KRT4: variants seen among roughly 807,000 people sequenced by gnomAD.
The protein encoded by KRT4 is keratin 4.
A neutral mutation model predicts 50.6 loss-of-function variants in KRT4; 47 were observed. The observed-to-expected ratio is 0.93, with a 90% CI of 0.73 to 1.18. The LOEUF (loss-of-function observed/expected upper bound fraction) is 1.18, where lower values mean the gene tolerates loss of function less well. Among genes scored for constraint, KRT4 ranks in the 50% most tolerant of loss-of-function variants. The pLI, the probability that KRT4 is intolerant of heterozygous loss-of-function variation, is 0.00. For synonymous variants in KRT4, 254 were observed against 251.2 expected (o/e 1.01, Z -0.10); for missense variants, 651 against 645.7 (o/e 1.01, Z -0.09).
chr12:52,809,004 G>C, intron 4 of KRT4, 154 bp from the exon 5 acceptor site: 1 of 826,582 alleles, frequency 1.2e-6, no homozygotes, highest in Non-Finnish European at 2.0e-6. Flanking sequence ...GACAGTTCAG[G>C]ATGGAAGAGC....
rs753847990 is a variant in KRT4 at position 52,814,094 on chromosome 12, T to A, written c.-36A>T. 1 of 1,613,802 alleles carries A rather than the reference T, an allele frequency of 6.2e-7. No homozygotes were observed. Among genetic ancestry groups the A allele is most frequent in the Admixed American group, 1.7e-5 (1 of 59,974 alleles). ...AGCGAGCTGGGAGCTATCAGAGAAG[T>A]GACAGGGCCCAGGCCGGTGAGTGCT... is the stretch of plus-strand genomic sequence containing the variant. On this transcript the variant is annotated 5_prime_UTR_variant, in exon 1 of 9. Coordinates refer to ENST00000551956, the MANE Select transcript of KRT4 (RefSeq NM_002272.4).
At chr12:52,810,979 T>A in intron 2 of KRT4, 163 bp from the exon 3 acceptor site, 1 of 648,542 alleles carries the variant, frequency 1.5e-6, no homozygotes, top group Non-Finnish European at 2.8e-6. Flanking sequence ...CCTATATTCA[T>A]TGAATATAGG....
At chr12:52,809,035 G>A in intron 4 of KRT4, 185 bp from the exon 5 acceptor site, 2 of 713,556 alleles carry the variant, frequency 2.8e-6, no homozygotes, top group Non-Finnish European at 5.0e-6. Context: ...GTCTTTACTG[G>A]TCCCCAGGAA....
intron 8 of KRT4, 35 bp from the exon 9 acceptor site, chr12:52,807,285 A>T: frequency 6.2e-7 from 1 of 1,614,104 alleles, no homozygotes; most frequent in Non-Finnish European, 8.5e-7. Context: ...AGTTATTCCA[A>T]TGCTGCCAGC....
chr12:52,806,712 A>T lies in KRT4; in HGVS notation c.*357T>A, dbSNP rs1939802106. 2.7e-6 allele frequency: 1 copy of T among 370,244 alleles called. No homozygotes were observed. The highest frequency in any genetic ancestry group is 5.2e-6 in the Non-Finnish European group (1 of 192,066). 22.9% of individuals were successfully genotyped at this position (370,244 alleles called of 1,614,324 possible). ...TTCTGATGTAGATGGATAATACAGG[A>T]TCTAGTGGGAGATGGCATTGGACTG... On this transcript the variant is annotated 3_prime_UTR_variant, in exon 9 of 9. Transcript: ENST00000551956.
At position 52,810,819 on chromosome 12, in the gene KRT4, G is replaced by A. The variant is rs73306189; in HGVS notation, c.678-3C>T. On this transcript the variant is annotated splice_polypyrimidine_tract_variant and splice_region_variant and intron_variant, in intron 2 of 8. Transcript: ENST00000551956. ...GTTTGTTGATCTCCTCTTCATACCTGGGGGTGGGCACGGGGAGAAAAAGAC... is the reference window on the plus strand; with the variant it reads ...GTTTGTTGATCTCCTCTTCATACCTAGGGGTGGGCACGGGGAGAAAAAGAC... 2,816 of 1,613,230 alleles carry A rather than the reference G, an allele frequency of 1.7e-3. 56 individuals carry two copies. In the African/African-American group the frequency reaches 0.033, roughly 19 times the overall value.
Position 52,810,803 on chromosome 12 carries a change from TCTC to T in KRT4, c.688_690del (p.Glu230del). ...TTCTCGGCTGCTGTGCGTTTGTTGA[TCTC>T]CTCTTCATACCTGGGGGTGGGCACG... On this transcript the variant is annotated inframe_deletion, in exon 3 of 9. Transcript: ENST00000551956. The T allele has an allele frequency of 2.5e-6, 4 of 1,614,010 alleles. No homozygotes were observed. Among genetic ancestry groups the T allele is most frequent in the Non-Finnish European group, 2.5e-6 (3 of 1,179,918 alleles).
At position 52,807,235 on chromosome 12, in the gene KRT4, C is replaced by T. The variant is rs1262455236; in HGVS notation, c.1397G>A (p.Ser466Asn). The T allele has an allele frequency of 5.0e-6, 8 of 1,614,194 alleles. No individual in the cohort carries two copies. The highest frequency in any genetic ancestry group is 2.2e-5 in the South Asian group (2 of 91,078). ...SAVSISVVSG[S>N]TSTGGISGGL... ...TCCGCTGATGCCTCCAGTGCTGGTGCTACCGCTGACCACAGCTGCAGAAAA... is the reference window on the plus strand; with the variant it reads ...TCCGCTGATGCCTCCAGTGCTGGTGTTACCGCTGACCACAGCTGCAGAAAA... Residue 466 changes from serine (S) to asparagine (N), a missense_variant, in exon 9 of 9, where the codon AGC (serine) becomes AAC (asparagine). By Grantham distance (46) the Ser-to-Asn change is conservative (BLOSUM62 1). Coordinates refer to ENST00000551956, the MANE Select transcript of KRT4 (RefSeq NM_002272.4).
At position 52,813,966 on chromosome 12, in the gene KRT4, G is replaced by A. The variant is rs1361284573; in HGVS notation, c.93C>T (p.Ser31=). The A allele has an allele frequency of 2.5e-6, 4 of 1,614,190 alleles. No homozygotes were observed. The highest frequency in any genetic ancestry group is 2.2e-5 in the East Asian group (1 of 44,874). The change falls in exon 1 of 9, where the codon AGC becomes AGT. Residue 31 remains serine, a synonymous_variant. Transcript: ENST00000551956. ...CAGCACCTCCAGACATGGAGACTGAGCTGAAGGCACCTCTCTTGCCACCGC... is the reference window on the plus strand; with the variant it reads ...CAGCACCTCCAGACATGGAGACTGAACTGAAGGCACCTCTCTTGCCACCGC... The part of the protein sequence containing the change: ...IVGGGKRGAF[S]SVSMSGGAGR...
At chr12:52,809,239 C>A (rs1565684064) in intron 4 of KRT4, 144 bp downstream of exon 4, 2 of 739,040 alleles carry the variant, frequency 2.7e-6, no homozygotes, top group Admixed American at 2.0e-5. Flanking sequence ...CCACTTCAAA[C>A]CTTTCTATGC....
chr12:52,807,393 T>C lies in KRT4; in HGVS notation c.1347A>G (p.Arg449=). 1 of 1,614,128 alleles carries C rather than the reference T, an allele frequency of 6.2e-7. No individual in the cohort carries two copies. The highest frequency in any genetic ancestry group is 8.5e-7 in the Non-Finnish European group (1 of 1,180,020). Residue 449 remains arginine (R), a splice_region_variant and synonymous_variant, in exon 8 of 9, where the codon AGA becomes AGG. Coordinates refer to ENST00000551956, the MANE Select transcript of KRT4 (RefSeq NM_002272.4). ...CGGCACTCTGGCATTCTCCAGACATTCTGTAGGGGAAAGAAAAGGCGGTGA... is the reference window on the plus strand; with the variant it reads ...CGGCACTCTGGCATTCTCCAGACATCCTGTAGGGGAAAGAAAAGGCGGTGA... The part of the protein sequence containing the change: ...YRKLLEGEEY[R]MSGECQSAVS...
intron 6 of KRT4, 36 bp downstream of exon 6, chr12:52,808,258 G>C (rs756253829): frequency 6.2e-7 from 1 of 1,613,284 alleles, no homozygotes; most frequent in Admixed American, 1.7e-5. Flanking sequence ...TGAGGCCCCT[G>C]GCCTTGTGCT....
intron 6 of KRT4, among the ~76,000 whole-genome samples, 187 bp from the exon 7 acceptor site, chr12:52,808,051 T>C (rs1187863992): frequency 6.6e-6 from 1 of 152,106 alleles, no homozygotes; most frequent in Non-Finnish European, 1.5e-5. Context: ...TCCACCAGAC[T>C]GATTAAATAA....
rs762384783 is a variant in KRT4 at position 52,811,930 on chromosome 12, G to A, written c.510C>T (p.Asn170=). The A allele has an allele frequency of 8.7e-6, 14 of 1,613,876 alleles. No individual in the cohort carries two copies. Among genetic ancestry groups the A allele is most frequent in the Non-Finnish European group, 1.2e-5 (14 of 1,180,034 alleles). ...QQNKVLETKW[N]LLQQQTTTTS... is the part of the protein sequence containing the mutation. ...TGGTGGTCGTCTGCTGCTGGAGCAG[G>A]TTCCATTTGGTCTCCAGGACCTTAT... Residue 170 remains asparagine (N), a synonymous_variant, in exon 2 of 9, where the codon AAC becomes AAT. Coordinates refer to ENST00000551956, the MANE Select transcript of KRT4 (RefSeq NM_002272.4).
At position 52,812,340 on chromosome 12, in the gene KRT4, C is replaced by T. The variant is rs118050223; in HGVS notation, c.463-363G>A. 1.4e-4 allele frequency among the ~76,000 whole-genome samples: 21 copies of T among 152,340 alleles called. No individual in the cohort carries two copies. In the East Asian group the frequency reaches 3.7e-3, roughly 27 times the overall value. ...AGACATCACAATCTGGAGGCTCTTG[C>T]ATTCAAAGTGATCCTGACCCAAGGC... On this transcript the variant is annotated intron_variant, in intron 1 of 8. Coordinates refer to ENST00000551956, the MANE Select transcript of KRT4 (RefSeq NM_002272.4).
At chr12:52,807,934 C>T in intron 6 of KRT4, 70 bp from the exon 7 acceptor site, 1 of 1,369,478 alleles carries the variant, frequency 7.3e-7, no homozygotes, top group Non-Finnish European at 1.0e-6. Context: ...CTGTCCCCTC[C>T]CCTGGTCCAG....
At chr12:52,813,257 C>A (rs1461619658) in intron 1 of KRT4, among the ~76,000 whole-genome samples, 1 of 152,130 alleles carries the variant, frequency 6.6e-6, no homozygotes, top group African/African-American at 2.4e-5. Flanking sequence ...GGGTTAACTG[C>A]ATTATATTCA....
Position 52,807,754 on chromosome 12 carries a change from C to T in KRT4, c.1236G>A (p.Lys412=). The part of the protein sequence containing the change: ...VELEAALQQA[K]EELARMLREY... ...CACGCAGCATTCGTGCCAGCTCCTC[C>T]TTGGCCTGCTGCAGGGCAGCCTCCA... The change falls in exon 7 of 9, where the codon AAG becomes AAA. Residue 412 remains lysine, a synonymous_variant. Coordinates refer to ENST00000551956, the MANE Select transcript of KRT4 (RefSeq NM_002272.4). 6.2e-7 allele frequency: 1 copy of T among 1,614,216 alleles called. No individual in the cohort carries two copies. The highest frequency in any genetic ancestry group is 8.5e-7 in the Non-Finnish European group (1 of 1,180,042).
chr12:52,811,739 G>A (rs200416816), intron 2 of KRT4, 24 bp downstream of exon 2: 23 of 1,587,720 alleles, frequency 1.4e-5, no homozygotes, highest in East Asian at 8.9e-5. Flanking sequence ...GTCAGATGGC[G>A]TCCCCTCCTT....
Sources: gnomAD v4.1 joint callset for allele counts (sites outside exome capture counted in the v4.1 genomes callset) on GRCh38, gnomAD v4.1.1 for gene constraint, MANE v1.5 for transcripts, NCBI Gene and HGNC (gene_info 2026-07-23, HGNC 2026-07-21) for gene names.